The following MYO3B variants were observed in gnomAD, a reference collection of about 807,000 sequenced individuals.
MYO3B encodes myosin-IIIb.
MYO3B carries 156 observed loss-of-function variants against 174.6 expected under a neutral mutation model. The observed-to-expected ratio is 0.89, with a 90% CI of 0.78 to 1.02. The LOEUF (loss-of-function observed/expected upper bound fraction) is 1.02, where lower values mean the gene tolerates loss of function less well. Ranked by LOEUF, MYO3B falls within the 50% of genes least tolerant of loss-of-function variation. MYO3B has a pLI of 0.00. For missense variants in MYO3B, 1,632 were observed against 1,639.4 expected, an observed-to-expected ratio of 1.00 and a Z score of 0.08; for synonymous variants, 563 against 569.1, an observed-to-expected ratio of 0.99 and a Z score of 0.15.
At chr2:170,182,993 A>G (rs1574536308) in intron 1 of MYO3B, among the ~76,000 whole-genome samples, 1 of 150,298 alleles carries the variant, frequency 6.7e-6, no homozygotes, top group South Asian at 2.2e-4. Context: ...GCTGTGGCTC[A>G]TGCCTGTAAT....
intron 21 of MYO3B, among the ~76,000 whole-genome samples, chr2:170,407,284 AC>A (rs67531010): frequency 0.74 from 112,585 of 151,678 alleles, 42,862 homozygotes; most frequent in Middle Eastern, 0.85. Context: ...ACACAGTGAA[AC>A]CCCATCTCTG....
chr2:170,404,425 A>G, intron 20 of MYO3B, 25 bp downstream of exon 20: 2 of 1,585,198 alleles, frequency 1.3e-6, no homozygotes, highest in South Asian at 1.2e-5. Context: ...AGAAACAGGC[A>G]TATACATTTA....
At chr2:170,516,883 A>G (rs1399342306) in intron 29 of MYO3B, among the ~76,000 whole-genome samples, 1 of 152,132 alleles carries the variant, frequency 6.6e-6, no homozygotes, top group Non-Finnish European at 1.5e-5. Context: ...TTTATTTTTC[A>G]GCCATGTCAC....
intron 32 of MYO3B, among the ~76,000 whole-genome samples, chr2:170,564,134 A>C (rs1295162345): frequency 6.6e-6 from 1 of 152,208 alleles, no homozygotes; most frequent in Non-Finnish European, 1.5e-5. Flanking sequence ...ATGAGATATC[A>C]AGACCTGCAG....
rs148627392 is a variant in MYO3B at position 170,454,549 on chromosome 2, C to T, written c.2731-8819C>T. Among the ~76,000 whole-genome samples the T allele has an allele frequency of 2.5e-4, 38 of 152,328 alleles. No individual in the cohort carries two copies. In the East Asian group the frequency reaches 6.6e-3, roughly 26 times the overall value. ...GCTGGCAGTGACCTGCCAGTAGAGA[C>T]AGTGCCCGAGTCAGCCCCTAATCCA... On this transcript the variant is annotated intron_variant, in intron 23 of 34. Coordinates refer to ENST00000408978, the MANE Select transcript of MYO3B (RefSeq NM_138995.5).
rs114491177 is a variant in MYO3B at position 170,202,057 on chromosome 2, C to A, written c.321+1773C>A. 9.8e-3 allele frequency among the ~76,000 whole-genome samples: 1,495 copies of A among 152,300 alleles called. 14 individuals carry two copies. Among genetic ancestry groups the A allele is most frequent in the Middle Eastern group, 0.041 (12 of 294 alleles). ...TGAGGCCACCTGGTGAATGAACATC[C>A]TTCCTGATGAGGAGTGACCCTCAGA... is the stretch of plus-strand genomic sequence containing the variant. On this transcript the variant is annotated intron_variant, in intron 3 of 34. Transcript: ENST00000408978.
chr2:170,409,987 C>T (rs2094535010), intron 22 of MYO3B, among the ~76,000 whole-genome samples: 1 of 152,164 alleles, frequency 6.6e-6, no homozygotes, highest in South Asian at 2.1e-4. Context: ...TTATGCTGTT[C>T]TTTGCCAATG....
rs919895730 is a variant in MYO3B at position 170,472,466 on chromosome 2, T to TA, written c.3014+5756dup. ...TCTCCAAGCCCTCAGTCTGCTGTCT[T>TA]AGCCAAGCTAAATCCTACTCATTCC... On this transcript the variant is annotated intron_variant, in intron 25 of 34. Coordinates refer to ENST00000408978, the MANE Select transcript of MYO3B (RefSeq NM_138995.5). Among the ~76,000 whole-genome samples, 9 of 152,288 alleles carry TA rather than the reference T, an allele frequency of 5.9e-5. No homozygotes were observed. In the East Asian group the frequency reaches 1.4e-3, roughly 23 times the overall value.
chr2:170,509,286 G>A (rs1036795580), intron 28 of MYO3B, among the ~76,000 whole-genome samples: 2 of 152,134 alleles, frequency 1.3e-5, no homozygotes, highest in Non-Finnish European at 2.9e-5. Flanking sequence ...GAACCCAGGA[G>A]GCATAGGTTG....
chr2:170,211,905 C>T (rs2105359897), intron 3 of MYO3B, among the ~76,000 whole-genome samples: 1 of 151,628 alleles, frequency 6.6e-6, no homozygotes, highest in East Asian at 1.9e-4. Flanking sequence ...AATATAAACC[C>T]TGATAGTTGG....
rs1210965174 is a variant in MYO3B, at chr2:170,653,745, G to GTTAA, written c.*628_*631dup. 1 of 152,168 alleles carries GTTAA rather than the reference G, an allele frequency of 6.6e-6. No homozygotes were observed. The highest frequency in any genetic ancestry group is 1.5e-5 in the Non-Finnish European group (1 of 68,052). The allele number at this position is 152,168 out of a possible 1,614,324, so 9.4% of individuals were successfully genotyped here. ...CTACAAGGCAAATAACCCCTCTCTT[G>GTTAA]TTAATTATGATGCTGAGAAAGCCTC... On this transcript the variant is annotated 3_prime_UTR_variant, in exon 35 of 35. Coordinates refer to ENST00000408978, the MANE Select transcript of MYO3B (RefSeq NM_138995.5).
At chr2:170,440,953 C>A (rs893582671) in intron 22 of MYO3B, among the ~76,000 whole-genome samples, 9 of 151,758 alleles carry the variant, frequency 5.9e-5, no homozygotes, top group Non-Finnish European at 2.9e-5. Context: ...AGGCGCGTGC[C>A]ACCACGCCCG....
chr2:170,382,204 T>C, intron 10 of MYO3B, 92 bp downstream of exon 10: 1 of 1,035,618 alleles, frequency 9.7e-7, no homozygotes, highest in Non-Finnish European at 1.5e-6. Context: ...CCTCCTAAGG[T>C]CATTTGAAAA....
chr2:170,376,603 C>CTCT (rs1250758680), intron 9 of MYO3B, among the ~76,000 whole-genome samples: 5 of 124,874 alleles, frequency 4.0e-5, no homozygotes, highest in African/African-American at 1.8e-4. Context: ...TTCCCTCTCT[C>CTCT]TATTTTTTTT....
rs774876172 is a variant in MYO3B at position 170,514,974 on chromosome 2, A to C, written c.3424A>C (p.Arg1142=). 1.2e-6 allele frequency: 2 copies of C among 1,614,116 alleles called. No individual in the cohort carries two copies. Among genetic ancestry groups the C allele is most frequent in the South Asian group, 2.2e-5 (2 of 91,062 alleles). The change falls in exon 29 of 35, where the codon AGG becomes CGG. Residue 1142 remains arginine, a synonymous_variant. Transcript: ENST00000408978. ...GPHSPVAAGT[R]GSAEVQDCSE... The stretch of plus-strand genomic sequence containing the variant: ...ACATTCCCCCGTCGCAGCAGGTACG[A>C]GGGGAAGTGCCGAGGTTCAAGACTG...
intron 7 of MYO3B, among the ~76,000 whole-genome samples, chr2:170,287,103 CACATTTTCT>C (rs1432605867): frequency 1.3e-5 from 2 of 152,084 alleles, no homozygotes; most frequent in African/African-American, 4.8e-5. Context: ...GTATGTCTAC[CACATTTTCT>C]TTACCAATTC....
At chr2:170,218,425 GA>G (rs2092854706) in intron 6 of MYO3B, among the ~76,000 whole-genome samples, 1 of 152,082 alleles carries the variant, frequency 6.6e-6, no homozygotes, top group Admixed American at 6.5e-5. Context: ...AATGTATTAT[GA>G]AAAAAAGCTA....
At chr2:170,333,530 A>G (rs982139081) in intron 7 of MYO3B, among the ~76,000 whole-genome samples, 2 of 152,162 alleles carry the variant, frequency 1.3e-5, no homozygotes, top group African/African-American at 4.8e-5. Context: ...TCCTCTAATC[A>G]TTCTTCCTTC....
chr2:170,357,085 C>G lies in MYO3B; in HGVS notation c.816-12137C>G, dbSNP rs145679303. Among the ~76,000 whole-genome samples, 598 of 152,158 alleles carry G rather than the reference C, an allele frequency of 3.9e-3. 1 individual carries two copies. The highest frequency in any genetic ancestry group is 0.013 in the African/African-American group (559 of 41,506). ...GACAGGTGTGAGACACTGGGCCTGG[C>G]CTAGTCTGTTTTTATATCATGGATT... is the stretch of plus-strand genomic sequence containing the variant. On this transcript the variant is annotated intron_variant, in intron 8 of 34. Coordinates refer to ENST00000408978, the MANE Select transcript of MYO3B (RefSeq NM_138995.5).
Sources: gnomAD v4.1 joint callset for allele counts (sites outside exome capture counted in the v4.1 genomes callset) on GRCh38, gnomAD v4.1.1 for gene constraint, MANE v1.5 for transcripts, NCBI Gene and HGNC (gene_info 2026-07-23, HGNC 2026-07-21) for gene names.